Variants in NOP9 observed in about 807,000 individuals in gnomAD.
NOP9 encodes the protein nucleolar protein 9.
Under a neutral mutation model 63.0 loss-of-function variants are expected in NOP9, and 50 were observed. The ratio of observed to expected loss-of-function variants is 0.79; its 90% CI spans 0.63 to 1.00. The LOEUF (loss-of-function observed/expected upper bound fraction) is 1.00, where lower values mean the gene tolerates loss of function less well. Among genes scored for constraint, NOP9 ranks in the 50% least tolerant of loss-of-function variants. The pLI is 0.00. For missense variants in NOP9, 758 were observed against 803.0 expected (o/e 0.94, Z 0.68); for synonymous variants, 343 against 332.8 (o/e 1.03, Z -0.33).
chr14:24,292,873 TG>T, the NOP9 span: 1 of 1,486,498 alleles, frequency 6.7e-7, no homozygotes, highest in South Asian at 1.3e-5. Context: ...TGCCTTCTGG[TG>T]GTTGTTGTCC....
At chr14:24,302,491 C>CCAG in intron 5 of NOP9, 67 bp downstream of exon 5, 2 of 1,441,684 alleles carry the variant, frequency 1.4e-6, no homozygotes, top group Non-Finnish European at 1.9e-6. Context: ...ATTTTATGGT[C>CCAG]TGTCTGCCTC....
the NOP9 span, among the ~76,000 whole-genome samples, chr14:24,287,250 T>A: frequency 6.6e-6 from 1 of 152,204 alleles, no homozygotes; most frequent in Non-Finnish European, 1.5e-5. Context: ...GCCTTTGGCC[T>A]CCTGGACTGC....
At chr14:24,284,339 C>T in the NOP9 span, among the ~76,000 whole-genome samples, 1 of 152,196 alleles carries the variant, frequency 6.6e-6, no homozygotes, top group Non-Finnish European at 1.5e-5. Context: ...CTTGCCTGTA[C>T]CCGTCCACCC....
intron 3 of NOP9, 25 bp downstream of exon 3, chr14:24,301,747 T>A (rs758561054): frequency 1.9e-6 from 3 of 1,611,152 alleles, no homozygotes; most frequent in Non-Finnish European, 2.5e-6. Context: ...AGGAGGATGG[T>A]CTCGTATCTA....
intron 2 of NOP9, 65 bp from the exon 3 acceptor site, chr14:24,301,547 A>G: frequency 6.3e-7 from 1 of 1,597,708 alleles, no homozygotes; most frequent in South Asian, 1.1e-5. Flanking sequence ...TCATCTGTGA[A>G]ATTTTTCTCT....
At chr14:24,289,605 G>C in the NOP9 span, among the ~76,000 whole-genome samples, 1 of 152,210 alleles carries the variant, frequency 6.6e-6, no homozygotes, top group African/African-American at 2.4e-5. Context: ...ACTGTGATCT[G>C]CTGCCACAGC....
the NOP9 span, among the ~76,000 whole-genome samples, chr14:24,284,582 G>A: frequency 6.6e-6 from 1 of 152,114 alleles, no homozygotes; most frequent in African/African-American, 2.4e-5. Context: ...GAAGACCAGG[G>A]ACTGGAGGTG....
the NOP9 span, among the ~76,000 whole-genome samples, chr14:24,285,704 C>G: frequency 6.6e-6 from 1 of 152,154 alleles, no homozygotes; most frequent in Non-Finnish European, 1.5e-5. Context: ...AATTAACAGG[C>G]TGGGCACGGT....
Position 24,305,831 on chromosome 14 carries a change from G to A in NOP9, c.*736G>A. ...ACTTGGGAGGAAGCCATCAAGCTGG[G>A]AGATGAGGACTTTCCACAAGCAAGA... is the stretch of plus-strand genomic sequence containing the variant. On this transcript the variant is annotated 3_prime_UTR_variant, in exon 10 of 10. Coordinates refer to ENST00000267425, the MANE Select transcript of NOP9 (RefSeq NM_174913.3). 6.3e-7 allele frequency: 1 copy of A among 1,596,980 alleles called. No homozygotes were observed. The highest frequency in any genetic ancestry group is 1.1e-5 in the South Asian group (1 of 88,118).
In NOP9 at chr14:24,305,281, C is replaced by A; in HGVS notation, c.*186C>A. ...GATCTCAAGGTAAAGTCAGAGAGGG[C>A]TGTCATCAGTATGCTGGGGAGTTTA... On this transcript the variant is annotated 3_prime_UTR_variant, in exon 10 of 10. Transcript: ENST00000267425. The A allele has an allele frequency of 1.6e-6, 1 of 639,168 alleles. No homozygotes were observed. Among genetic ancestry groups the A allele is most frequent in the Non-Finnish European group, 2.4e-6 (1 of 413,216 alleles). The allele number at this position is 639,168 out of a possible 1,614,324, so 39.6% of individuals were successfully genotyped here. A position where few individuals can be genotyped will look rare whatever the true frequency, so the allele number is the denominator to read the frequency against.
chr14:24,306,059 AC>A lies in NOP9; in HGVS notation c.*965del. ...AAGAGGTCTCGAGGGTTTTGCTTGT[AC>A]ACGTCAAAGGTGAATCGGGCGATGT... is the stretch of plus-strand genomic sequence containing the variant. On this transcript the variant is annotated 3_prime_UTR_variant, in exon 10 of 10. Coordinates refer to ENST00000267425, the MANE Select transcript of NOP9 (RefSeq NM_174913.3). The A allele has an allele frequency of 6.2e-7, 1 of 1,614,176 alleles. No individual in the cohort carries two copies. The highest frequency in any genetic ancestry group is 8.5e-7 in the Non-Finnish European group (1 of 1,180,030).
the NOP9 span, among the ~76,000 whole-genome samples, chr14:24,279,102 C>T: frequency 3.3e-5 from 5 of 152,248 alleles, no homozygotes; most frequent in African/African-American, 9.6e-5. Context: ...TAGAATGGGC[C>T]TCAATGAGAG....
Position 24,305,688 on chromosome 14 carries a change from T to C in NOP9, c.*593T>C. ...CCACTGCTCAGCCCCCTCCACTGCA[T>C]GACGAAGGGTGGAGGAAATTCCCAG... On this transcript the variant is annotated 3_prime_UTR_variant, in exon 10 of 10. Coordinates refer to ENST00000267425, the MANE Select transcript of NOP9 (RefSeq NM_174913.3). 1 of 1,614,158 alleles carries C rather than the reference T, an allele frequency of 6.2e-7. No individual in the cohort carries two copies. Among genetic ancestry groups the C allele is most frequent in the Non-Finnish European group, 8.5e-7 (1 of 1,180,010 alleles).
chr14:24,291,871 C>A, the NOP9 span: 1 of 608,212 alleles, frequency 1.6e-6, no homozygotes, highest in Non-Finnish European at 2.9e-6. Context: ...CTGGTAGTGC[C>A]AAATAGTGTT....
Position 24,300,155 on chromosome 14 carries a change from G to A in NOP9, c.201G>A (p.Arg67=), listed in dbSNP as rs1228646996. The change falls in exon 1 of 10, where the codon CGG becomes CGA. Residue 67 remains arginine (R), a synonymous_variant. Coordinates refer to ENST00000267425, the MANE Select transcript of NOP9 (RefSeq NM_174913.3). ...CGGAAGCTCTGGGATATTTCCGCCG[G>A]GCGCTGTCAGCATTGAAAGAGGCTC... is the stretch of plus-strand genomic sequence containing the variant. ...LSPEALGYFR[R]ALSALKEAPE... is the part of the protein sequence containing the mutation. 1 of 1,613,962 alleles carries A rather than the reference G, an allele frequency of 6.2e-7. No homozygotes were observed. The highest frequency in any genetic ancestry group is 1.3e-5 in the African/African-American group (1 of 74,950).
intron 8 of NOP9, 81 bp from the exon 9 acceptor site, chr14:24,304,412 C>A: frequency 7.2e-7 from 1 of 1,387,568 alleles, no homozygotes; most frequent in Non-Finnish European, 1.0e-6. Flanking sequence ...TTAAACTCTT[C>A]AGAAAATTCA....
At chr14:24,275,205 C>G in the NOP9 span, among the ~76,000 whole-genome samples, 6 of 152,204 alleles carry the variant, frequency 3.9e-5, no homozygotes, top group East Asian at 7.7e-4. Context: ...AGCCACCGTG[C>G]CCTGAAAGCC....
At chr14:24,300,954 C>T (rs1482675365) in intron 2 of NOP9, 97 bp downstream of exon 2, 3 of 1,006,362 alleles carry the variant, frequency 3.0e-6, no homozygotes, top group East Asian at 2.5e-5. Context: ...CATGGGGGAG[C>T]TTGACCGGGA....
At chr14:24,279,589 G>A in the NOP9 span, among the ~76,000 whole-genome samples, 1 of 152,236 alleles carries the variant, frequency 6.6e-6, no homozygotes, top group Non-Finnish European at 1.5e-5. Context: ...TCTTGGGGAA[G>A]AGTTGAGGGA....
Sources: allele counts gnomAD v4.1 joint callset (sites outside exome capture counted in the v4.1 genomes callset), GRCh38; gene constraint gnomAD v4.1.1; transcripts MANE v1.5; gene names NCBI Gene and HGNC (gene_info 2026-07-23, HGNC 2026-07-21).